The following NFASC variants were observed in gnomAD, a reference collection of about 807,000 sequenced individuals.
NFASC encodes the protein neurofascin.
Under a neutral mutation model 147.5 loss-of-function variants are expected in NFASC, and 43 were observed. The ratio of observed to expected loss-of-function variants is 0.29; its 90% confidence interval spans 0.23 to 0.38. The LOEUF (loss-of-function observed/expected upper bound fraction) is 0.38. NFASC is among the 10% of genes least tolerant of loss of function. NFASC has a pLI of 1.00. For missense variants in NFASC, 1,320 were observed against 1,689.0 expected, an observed-to-expected ratio of 0.78 and a Z score of 3.83; for synonymous variants, 622 against 665.5, an observed-to-expected ratio of 0.93 and a Z score of 1.01.
In NFASC at chr1:204,979,356, A is replaced by G. The variant is rs1218306708; in HGVS notation, c.1979-6A>G. 6.2e-7 allele frequency: 1 copy of G among 1,612,282 alleles called. No individual in the cohort carries two copies. Among genetic ancestry groups the G allele is most frequent in the Non-Finnish European group, 8.5e-7 (1 of 1,178,400 alleles). The stretch of plus-strand genomic sequence containing the variant: ...CGAAACAGCTCTGTTTTCCTTGCCC[A>G]CTCAGACTACGTCGTCCAGTTTGAA... On this transcript the variant is annotated splice_polypyrimidine_tract_variant and splice_region_variant and intron_variant, in intron 18 of 29. Transcript: ENST00000339876. The surrounding 1 kb of genome is among the most constrained non-coding windows in gnomAD (Gnocchi z 6.0).
At chr1:204,884,898 A>G (rs1167211285) in intron 1 of NFASC, among the ~76,000 whole-genome samples, 2 of 152,146 alleles carry the variant, frequency 1.3e-5, no homozygotes, top group Non-Finnish European at 2.9e-5. Flanking sequence ...TAGAGAGAGA[A>G]TCACACAGGA....
intron 11 of NFASC, among the ~76,000 whole-genome samples, chr1:204,972,668 C>T (rs1187069207): frequency 6.6e-6 from 1 of 152,168 alleles, no homozygotes. Context: ...GAGGCATTGG[C>T]TTATGGGTTT....
chr1:204,904,773 G>A (rs2085419496), intron 1 of NFASC, among the ~76,000 whole-genome samples: 1 of 152,122 alleles, frequency 6.6e-6, no homozygotes, highest in Admixed American at 6.5e-5. Context: ...ACAGCACTGG[G>A]TTAATCATAA....
At chr1:204,949,081 CCAGGCAGCCCTGGG>C (rs1409231865) in intron 3 of NFASC, among the ~76,000 whole-genome samples, 1 of 152,234 alleles carries the variant, frequency 6.6e-6, no homozygotes. Context: ...TGTCTCCTGC[CCAGGCAGCCCTGGG>C]CAAATGGCGA....
rs569710977 is a variant in NFASC at position 205,015,666 on chromosome 1, G to GC, written c.3492-635dup. Among the ~76,000 whole-genome samples the GC allele has an allele frequency of 2.0e-4, 31 of 152,062 alleles. No homozygotes were observed. The highest frequency in any genetic ancestry group is 7.8e-4 in the East Asian group (4 of 5,158). ...GCTGGCATCACCTGCTTACCTGTGT[G>GC]CCCCCCCACCACCACCACTCTTGCG... On this transcript the variant is annotated intron_variant, in intron 29 of 29. Transcript: ENST00000339876. The surrounding 1 kb of genome is among the most constrained non-coding windows in gnomAD (Gnocchi z 4.0).
At chr1:204,991,866 A>G (rs1343813778) in intron 24 of NFASC, among the ~76,000 whole-genome samples, 1 of 152,242 alleles carries the variant, frequency 6.6e-6, no homozygotes, top group Non-Finnish European at 1.5e-5. Context: ...GTCCATGGAT[A>G]GGGCCAGGTG....
Position 205,016,256 on chromosome 1 carries a change from G to A in NFASC, c.3492-52G>A. Reference sequence around the variant, plus strand: ...TGTGTAGGGCATGTGCTGGCAGGAGGCCAGCTGCCCCATCTCACCCCACCT... The same window carrying A: ...TGTGTAGGGCATGTGCTGGCAGGAGACCAGCTGCCCCATCTCACCCCACCT... On this transcript the variant is annotated intron_variant, in intron 29 of 29. Coordinates refer to ENST00000339876, the MANE Select transcript of NFASC (RefSeq NM_001005388.3). The surrounding 1 kb of genome is among the most constrained non-coding windows in gnomAD (Gnocchi z 5.1). 1 of 1,310,956 alleles carries A rather than the reference G, an allele frequency of 7.6e-7. No individual in the cohort carries two copies. The highest frequency in any genetic ancestry group is 2.3e-5 in the East Asian group (1 of 43,432). 81.2% of individuals were successfully genotyped at this position (1,310,956 alleles called of 1,614,324 possible). A position where few individuals can be genotyped will look rare whatever the true frequency, so the allele number is the denominator to read the frequency against.
intron 1 of NFASC, chr1:204,870,498 C>A: frequency 5.1e-6 from 1 of 195,840 alleles, no homozygotes; most frequent in Non-Finnish European, 9.6e-6. Flanking sequence ...TGCTCCCCTA[C>A]AAAACATGAC....
At chr1:204,916,851 G>A (rs2089407075) in intron 1 of NFASC, among the ~76,000 whole-genome samples, 2 of 152,108 alleles carry the variant, frequency 1.3e-5, no homozygotes, top group South Asian at 4.2e-4. Context: ...GGGATTACAG[G>A]CGTGAGTCAC....
At chr1:205,009,408 G>A (rs1350551885) in intron 27 of NFASC, 149 bp from the exon 28 acceptor site, 1 of 841,466 alleles carries the variant, frequency 1.2e-6, no homozygotes, top group South Asian at 1.3e-5. Flanking sequence ...CTTTAGCAGG[G>A]TAGTTTGGGC....
At chr1:204,858,165 C>T (rs2076336217) in intron 1 of NFASC, among the ~76,000 whole-genome samples, 1 of 151,744 alleles carries the variant, frequency 6.6e-6, no homozygotes, top group African/African-American at 2.4e-5. Flanking sequence ...GGTGATCCAC[C>T]TGCCTCAGCC....
At chr1:204,909,911 G>T (rs1472409470) in intron 1 of NFASC, among the ~76,000 whole-genome samples, 3 of 147,076 alleles carry the variant, frequency 2.0e-5, no homozygotes, top group African/African-American at 7.5e-5. Context: ...TCTATTTTGG[G>T]TTTTTTTTTT....
At chr1:204,845,196 G>A (rs1676620437) in intron 1 of NFASC, among the ~76,000 whole-genome samples, 2 of 151,962 alleles carry the variant, frequency 1.3e-5, no homozygotes, top group Admixed American at 1.3e-4. Flanking sequence ...GGAACTTAAA[G>A]TGGCGGTGTA....
At chr1:204,948,220 A>T (rs148706923) in intron 3 of NFASC, among the ~76,000 whole-genome samples, 2 of 152,250 alleles carry the variant, frequency 1.3e-5, no homozygotes, top group Non-Finnish European at 2.9e-5. Flanking sequence ...CCACTGCTCC[A>T]TAGAAGGCGA....
Position 205,016,659 on chromosome 1 carries a change from G to A in NFASC, c.*120G>A, listed in dbSNP as rs1459939942. ...CCTTCAGTAACAAGGGTACGATATG[G>A]GGGTCTGCCAAGCTGTGAGGACCAG... On this transcript the variant is annotated 3_prime_UTR_variant, in exon 30 of 30. Coordinates refer to ENST00000339876, the MANE Select transcript of NFASC (RefSeq NM_001005388.3). The surrounding 1 kb of genome is among the most constrained non-coding windows in gnomAD (Gnocchi z 5.1). 3 of 759,502 alleles carry A rather than the reference G, an allele frequency of 3.9e-6. No homozygotes were observed. In the African/African-American group the frequency reaches 5.2e-5, roughly 13 times the overall value. The allele number at this position is 759,502 out of a possible 1,614,324, so 47.0% of individuals were successfully genotyped here. A position where few individuals can be genotyped will look rare whatever the true frequency, so the allele number is the denominator to read the frequency against.
chr1:204,875,901 G>C (rs1285685792), intron 1 of NFASC, among the ~76,000 whole-genome samples: 1 of 152,130 alleles, frequency 6.6e-6, no homozygotes, highest in Non-Finnish European at 1.5e-5. Context: ...TAGGGTCTTT[G>C]TTTGACTGAC....
intron 1 of NFASC, among the ~76,000 whole-genome samples, chr1:204,877,036 T>TA (rs1491091357): frequency 3.1e-5 from 3 of 96,324 alleles, no homozygotes; most frequent in East Asian, 9.1e-4. Flanking sequence ...ATAATATATA[T>TA]TTATATATAT....
At chr1:204,873,706 A>G (rs1453643045) in intron 1 of NFASC, among the ~76,000 whole-genome samples, 1 of 152,170 alleles carries the variant, frequency 6.6e-6, no homozygotes. Context: ...AAGCCAGAGA[A>G]AAGAGCCCCT....
chr1:204,989,641 T>TAG (rs2095682452), intron 23 of NFASC: 2 of 152,248 alleles, frequency 1.3e-5, no homozygotes, highest in Admixed American at 6.5e-5. Context: ...TACAATGGTC[T>TAG]ATTCAACAGC....
Sources: allele counts gnomAD v4.1 joint callset (sites outside exome capture counted in the v4.1 genomes callset), GRCh38; gene constraint gnomAD v4.1.1; non-coding constraint Gnocchi (gnomAD v3.1); transcripts MANE v1.5; gene names NCBI Gene and HGNC (gene_info 2026-07-23, HGNC 2026-07-21).